The following PDRG1 variants were observed in gnomAD, a reference collection of about 807,000 sequenced individuals.
PDRG1 encodes the protein p53 and DNA damage regulated 1, also known as p53 and DNA damage-regulated protein 1.
PDRG1 carries 14 observed loss-of-function variants against 18.4 expected under a neutral mutation model. The ratio of observed to expected loss-of-function variants is 0.76; its 90% CI spans 0.50 to 1.19. PDRG1 has a LOEUF of 1.19. Ranked by LOEUF, PDRG1 falls within the 50% of genes most tolerant of loss-of-function variation. The pLI, the probability that PDRG1 is intolerant of heterozygous loss-of-function variation, is 0.00. For synonymous variants in PDRG1, 65 were observed against 60.9 expected, an observed-to-expected ratio of 1.07 and a Z score of -0.31; for missense variants, 177 against 160.1, an observed-to-expected ratio of 1.11 and a Z score of -0.57.
At chr20:31,949,064 G>C (rs1241358026) in intron 2 of PDRG1, among the ~76,000 whole-genome samples, 182 bp from the exon 3 acceptor site, 1 of 152,186 alleles carries the variant, frequency 6.6e-6, no homozygotes, top group East Asian at 1.9e-4. Flanking sequence ...GAGTTGTAGA[G>C]AAAAATAAAG....
chr20:31,951,858 G>C lies in PDRG1; in HGVS notation c.87+17C>G. 1 of 1,557,970 alleles carries C rather than the reference G, an allele frequency of 6.4e-7. No homozygotes were observed. Reference sequence around the variant, plus strand: ...GCGCCGGCCGCCAGGCCCCAGCGCCGCGGAGGGGCCTCTCACCTGCCGCTT... The same window carrying C: ...GCGCCGGCCGCCAGGCCCCAGCGCCCCGGAGGGGCCTCTCACCTGCCGCTT... On this transcript the variant is annotated intron_variant, in intron 1 of 4. Transcript: ENST00000202017.
intron 3 of PDRG1, 24 bp downstream of exon 3, chr20:31,948,782 CCT>C: frequency 6.2e-7 from 1 of 1,605,670 alleles, no homozygotes; most frequent in Non-Finnish European, 8.5e-7. Flanking sequence ...GCAGCACACC[CCT>C]GACCCATCCC....
In PDRG1 at chr20:31,945,549, C is replaced by T. The variant is rs535995493; in HGVS notation, c.*258G>A. On this transcript the variant is annotated 3_prime_UTR_variant, in exon 5 of 5. Transcript: ENST00000202017. The stretch of plus-strand genomic sequence containing the variant: ...CCCCACAGCCACTGCCCCACACACC[C>T]ACTGGTGGCTACCAAGGCCCGTCAA... 4.9e-6 allele frequency: 2 copies of T among 406,256 alleles called. No homozygotes were observed. The highest frequency in any genetic ancestry group is 8.4e-5 in the Admixed American group (2 of 23,710). 25.2% of individuals were successfully genotyped at this position (406,256 alleles called of 1,614,324 possible).
rs2064344558 is a variant in PDRG1, at chr20:31,950,343, C to G, written c.132G>C (p.Leu44=). Residue 44 remains leucine, a synonymous_variant, in exon 2 of 5, where the codon CTG becomes CTC. Transcript: ENST00000202017. ...GGCTGAGATCCTTCTGCAGGGCCCT[C>G]AGGCCCTCTCGATTCTGATTCCTTT... is the stretch of plus-strand genomic sequence containing the variant. ...DTKRNQNREG[L]RALQKDLSLS... 1.2e-6 allele frequency: 2 copies of G among 1,612,934 alleles called. No homozygotes were observed. Among genetic ancestry groups the G allele is most frequent in the Non-Finnish European group, 1.7e-6 (2 of 1,178,856 alleles).
rs570346402 is a variant in PDRG1, at chr20:31,951,783, T to C, written c.87+92A>G. ...GCCCAGGTCTGTCGCCTCGGAGCCG[T>C]TAACCGCCTGTCCAGGTCAACTCAC... On this transcript the variant is annotated intron_variant, in intron 1 of 4. Coordinates refer to ENST00000202017, the MANE Select transcript of PDRG1 (RefSeq NM_030815.3). The C allele has an allele frequency of 8.4e-5, 114 of 1,364,666 alleles. No individual in the cohort carries two copies. The East Asian group carries it at 2.6e-3, about 31-fold the overall frequency. 84.5% of individuals were successfully genotyped at this position (1,364,666 alleles called of 1,614,324 possible). A position where few individuals can be genotyped will look rare whatever the true frequency, so the allele number is the denominator to read the frequency against.
rs879186898 is a variant in PDRG1 at position 31,950,324 on chromosome 20, G to C, written c.151C>G (p.Leu51Val). 1 of 1,610,190 alleles carries C rather than the reference G, an allele frequency of 6.2e-7. No homozygotes were observed. The highest frequency in any genetic ancestry group is 8.5e-7 in the Non-Finnish European group (1 of 1,176,376). Residue 51 changes from leucine to valine, a missense_variant, in exon 2 of 5, where the codon CTC (leucine) becomes GTC (valine). Transcript: ENST00000202017. ...AATTTCAACTTACCAGAGAGGCTGA[G>C]ATCCTTCTGCAGGGCCCTCAGGCCC... Reference protein sequence around the residue: ...REGLRALQKDLSLSEDVMVCF... With the variant: ...REGLRALQKDVSLSEDVMVCF...
rs1600647597 is a variant in PDRG1, at chr20:31,952,014, C to A, written c.-53G>T. On this transcript the variant is annotated 5_prime_UTR_variant, in exon 1 of 5. Coordinates refer to ENST00000202017, the MANE Select transcript of PDRG1 (RefSeq NM_030815.3). ...TCGCGCGACCCCGGGATCTCCGCTT[C>A]GACTCCCGCTGCGCACGCGCCGCTC... is the stretch of plus-strand genomic sequence containing the variant. 1 of 1,490,864 alleles carries A rather than the reference C, an allele frequency of 6.7e-7. No homozygotes were observed. The highest frequency in any genetic ancestry group is 2.7e-5 in the East Asian group (1 of 36,946). The allele number at this position is 1,490,864 out of a possible 1,614,324, so 92.4% of individuals were successfully genotyped here. A position where few individuals can be genotyped will look rare whatever the true frequency, so the allele number is the denominator to read the frequency against.
intron 2 of PDRG1, 107 bp downstream of exon 2, chr20:31,950,205 G>T: frequency 1.1e-6 from 1 of 907,914 alleles, no homozygotes. Context: ...ACAAGGCTGA[G>T]TTATACAGCT....
At chr20:31,946,450 G>A in intron 4 of PDRG1, 46 bp downstream of exon 4, 1 of 1,513,250 alleles carries the variant, frequency 6.6e-7, no homozygotes, top group African/African-American at 1.4e-5. Context: ...AGTCCATGCT[G>A]ATGATTCCCT....
At position 31,945,696 on chromosome 20, in the gene PDRG1, C is replaced by T. The variant is rs55697804; in HGVS notation, c.*111G>A. On this transcript the variant is annotated 3_prime_UTR_variant, in exon 5 of 5. Transcript: ENST00000202017. Reference sequence around the variant, plus strand: ...GAGGTTTTCATGGCCAGATTCCTGACGGCTGGCCCCTTACAGGGCAGATCC... The same window carrying T: ...GAGGTTTTCATGGCCAGATTCCTGATGGCTGGCCCCTTACAGGGCAGATCC... The T allele has an allele frequency of 6.5e-4, 524 of 806,826 alleles. 1 individual carries two copies. The highest frequency in any genetic ancestry group is 8.5e-4 in the Non-Finnish European group (438 of 516,748). 50.0% of individuals were successfully genotyped at this position (806,826 alleles called of 1,614,324 possible). A position where few individuals can be genotyped will look rare whatever the true frequency, so the allele number is the denominator to read the frequency against.
intron 3 of PDRG1, among the ~76,000 whole-genome samples, chr20:31,948,597 T>C (rs1385004364): frequency 1.3e-5 from 2 of 150,800 alleles, no homozygotes; most frequent in Non-Finnish European, 3.0e-5. Flanking sequence ...TTACCTCAAC[T>C]GCACAGCTAT....
intron 2 of PDRG1, 73 bp downstream of exon 2, chr20:31,950,239 C>A: frequency 1.7e-6 from 2 of 1,173,814 alleles, no homozygotes; most frequent in Non-Finnish European, 2.5e-6. Context: ...TGATCTCTAT[C>A]AGGAACAAGG....
chr20:31,945,675 T>A lies in PDRG1; in HGVS notation c.*132A>T. ...AGAGTAGCCAAGCACTACAAAGAGGTTTTCATGGCCAGATTCCTGACGGCT... is the reference window on the plus strand; with the variant it reads ...AGAGTAGCCAAGCACTACAAAGAGGATTTCATGGCCAGATTCCTGACGGCT... On this transcript the variant is annotated 3_prime_UTR_variant, in exon 5 of 5. Coordinates refer to ENST00000202017, the MANE Select transcript of PDRG1 (RefSeq NM_030815.3). 1.5e-6 allele frequency: 1 copy of A among 655,262 alleles called. No homozygotes were observed. The allele number at this position is 655,262 out of a possible 1,614,324, so 40.6% of individuals were successfully genotyped here.
At chr20:31,951,618 GA>G (rs11476001) in intron 1 of PDRG1, among the ~76,000 whole-genome samples, 52,604 of 152,084 alleles carry the variant, frequency 0.35, 10,744 homozygotes, top group African/African-American at 0.57. Context: ...AGTGCATTTT[GA>G]AACAGGTGCT....
chr20:31,951,866 G>T lies in PDRG1; in HGVS notation c.87+9C>A. 3 of 1,570,206 alleles carry T rather than the reference G, an allele frequency of 1.9e-6. No individual in the cohort carries two copies. The highest frequency in any genetic ancestry group is 1.9e-5 in the Admixed American group (1 of 53,514). On this transcript the variant is annotated intron_variant, in intron 1 of 4. Transcript: ENST00000202017. ...CGCCAGGCCCCAGCGCCGCGGAGGG[G>T]CCTCTCACCTGCCGCTTGTCCGCCA...
intron 1 of PDRG1, among the ~76,000 whole-genome samples, 196 bp from the exon 2 acceptor site, chr20:31,950,583 C>T (rs1290335471): frequency 2.0e-5 from 3 of 152,176 alleles, no homozygotes; most frequent in Non-Finnish European, 4.4e-5. Flanking sequence ...GTGCAGCTGC[C>T]CTCTCCCCAG....
At position 31,948,830 on chromosome 20, in the gene PDRG1, C is replaced by T. The variant is rs372854487; in HGVS notation, c.216G>A (p.Glu72=). 6 of 1,614,082 alleles carry T rather than the reference C, an allele frequency of 3.7e-6. No homozygotes were observed. Among genetic ancestry groups the T allele is most frequent in the East Asian group, 4.5e-5 (2 of 44,872 alleles). Residue 72 remains glutamate, a synonymous_variant, in exon 3 of 5, where the codon GAG becomes GAA. Transcript: ENST00000202017. ...TACCTTTTTCAATCATTTCCTTTGT[C>T]TCAGGGTGAGGCATCTTGATAAACA... ...GNMFIKMPHP[E]TKEMIEKDQD... is the part of the protein sequence containing the mutation.
rs369440488 is a variant in PDRG1 at position 31,948,763 on chromosome 20, G to A, written c.238+45C>T. The A allele has an allele frequency of 6.7e-5, 103 of 1,546,930 alleles. No homozygotes were observed. The African/African-American group carries it at 1.3e-3, about 19-fold the overall frequency. ...CTGTTCTGGGTTAAGACCAAAGCTGGTGGGAGAGGCAGCACACCCCTGACC... is the reference window on the plus strand; with the variant it reads ...CTGTTCTGGGTTAAGACCAAAGCTGATGGGAGAGGCAGCACACCCCTGACC... On this transcript the variant is annotated intron_variant, in intron 3 of 4. Coordinates refer to ENST00000202017, the MANE Select transcript of PDRG1 (RefSeq NM_030815.3).
Position 31,950,373 on chromosome 20 carries a change from G to A in PDRG1, c.102C>T (p.Asp34=), listed in dbSNP as rs766466593. The change falls in exon 2 of 5, where the codon GAC becomes GAT. Residue 34 remains aspartate, a synonymous_variant. Coordinates refer to ENST00000202017, the MANE Select transcript of PDRG1 (RefSeq NM_030815.3). The stretch of plus-strand genomic sequence containing the variant: ...CCTCTCGATTCTGATTCCTTTTAGT[G>A]TCCAGGTCCACAATCTGAAAACCAC... ...LADKRQIVDL[D]TKRNQNREGL... is the part of the protein sequence containing the mutation. The A allele has an allele frequency of 1.2e-6, 2 of 1,611,910 alleles. No homozygotes were observed. Among genetic ancestry groups the A allele is most frequent in the Non-Finnish European group, 1.7e-6 (2 of 1,178,080 alleles).
Sources: gnomAD v4.1 joint callset for allele counts (sites outside exome capture counted in the v4.1 genomes callset) on GRCh38, gnomAD v4.1.1 for gene constraint, MANE v1.5 for transcripts, NCBI Gene and HGNC (gene_info 2026-07-23, HGNC 2026-07-21) for gene names.